Variants in NPLOC4 observed in about 807,000 individuals in gnomAD.
NPLOC4 encodes the protein NPL4 homolog, ubiquitin recognition factor.
Under a neutral mutation model 80.6 loss-of-function variants are expected in NPLOC4, and 18 were observed. That is an observed-to-expected ratio of 0.22 (90% confidence interval 0.15 to 0.33). The LOEUF is 0.33. Ranked by LOEUF, NPLOC4 falls within the 10% of genes least tolerant of loss-of-function variation. The pLI, the probability that NPLOC4 is intolerant of heterozygous loss-of-function variation, is 1.00. For missense variants in NPLOC4, 540 were observed against 786.1 expected (o/e 0.69, Z 3.74); for synonymous variants, 313 against 301.5 (o/e 1.04, Z -0.39).
chr17:81,622,096 G>A (rs947571849), intron 3 of NPLOC4, 70 bp downstream of exon 3: 13 of 1,118,164 alleles, frequency 1.2e-5, no homozygotes, highest in South Asian at 7.5e-5. Flanking sequence ...GATAAAACTC[G>A]GCAACCTCGG....
At chr17:81,621,574 G>C (rs775827344) in intron 3 of NPLOC4, among the ~76,000 whole-genome samples, 9 of 152,334 alleles carry the variant, frequency 5.9e-5, no homozygotes, top group Non-Finnish European at 1.0e-4. Context: ...CCCGTGTTCC[G>C]TAAAGGACCA....
At chr17:81,575,202 C>CCATT (rs1215568628) in intron 12 of NPLOC4, among the ~76,000 whole-genome samples, 2 of 152,180 alleles carry the variant, frequency 1.3e-5, no homozygotes, top group African/African-American at 4.8e-5. Flanking sequence ...CGGGTTCAAG[C>CCATT]CATTCTCCTG....
At chr17:81,578,726 AC>A (rs2034363992) in intron 12 of NPLOC4, among the ~76,000 whole-genome samples, 1 of 151,826 alleles carries the variant, frequency 6.6e-6, no homozygotes, top group African/African-American at 2.4e-5. Context: ...TGGGGGAACC[AC>A]CCCCATGATT....
In NPLOC4 at chr17:81,568,559, G is replaced by T. The variant is rs577869232; in HGVS notation, c.1449+457C>A. 3.9e-5 allele frequency among the ~76,000 whole-genome samples: 6 copies of T among 152,188 alleles called. No homozygotes were observed. The South Asian group carries it at 1.2e-3, about 32-fold the overall frequency. On this transcript the variant is annotated intron_variant, in intron 14 of 16. Transcript: ENST00000331134. ...GCAGGCGTGACAGCAAATCGGACCT[G>T]GCCTGATCTGCCAGTGAGAGCAGAG...
intron 1 of NPLOC4, among the ~76,000 whole-genome samples, chr17:81,630,764 C>A (rs1282091424): frequency 2.6e-5 from 4 of 152,246 alleles, no homozygotes; most frequent in Admixed American, 2.6e-4. Flanking sequence ...ATGGTCTCAG[C>A]TACTTGGGGA....
intron 3 of NPLOC4, among the ~76,000 whole-genome samples, chr17:81,621,112 A>AGAAG (rs200147658): frequency 6.6e-6 from 1 of 151,920 alleles, no homozygotes; most frequent in Non-Finnish European, 1.5e-5. Flanking sequence ...AGAAAAGGAA[A>AGAAG]GAAGGAAGGA....
chr17:81,582,669 C>T (rs987122753), intron 12 of NPLOC4, among the ~76,000 whole-genome samples: 1 of 152,210 alleles, frequency 6.6e-6, no homozygotes, highest in Non-Finnish European at 1.5e-5. Flanking sequence ...TTCCAAAGTG[C>T]TGGGATTACA....
At chr17:81,610,170 C>T in intron 5 of NPLOC4, 40 bp downstream of exon 5, 1 of 1,549,468 alleles carries the variant, frequency 6.5e-7, no homozygotes, top group Non-Finnish European at 8.7e-7. Flanking sequence ...ACCCGCAGCC[C>T]CCCACACTGG....
In NPLOC4 at chr17:81,559,090, G is replaced by T. The variant is rs972850597; in HGVS notation, c.*169C>A. On this transcript the variant is annotated 3_prime_UTR_variant, in exon 17 of 17. Coordinates refer to ENST00000331134, the MANE Select transcript of NPLOC4 (RefSeq NM_017921.4). ...CCAGCCGTGGCGCCCGCTCTCCAGG[G>T]AGGAACGTGCTGAGAAGCTTCAGTG... 8.5e-6 allele frequency: 6 copies of T among 709,394 alleles called. No individual in the cohort carries two copies. The African/African-American group carries it at 1.1e-4, about 13-fold the overall frequency. The allele number at this position is 709,394 out of a possible 1,614,324, so 43.9% of individuals were successfully genotyped here.
At chr17:81,587,978 A>G (rs1258381497) in intron 12 of NPLOC4, 1 of 152,154 alleles carries the variant, frequency 6.6e-6, no homozygotes, top group Admixed American at 6.5e-5. Context: ...CCCGGCCGAA[A>G]AAAGTTAATA....
intron 4 of NPLOC4, 43 bp from the exon 5 acceptor site, chr17:81,610,301 GTC>G: frequency 6.5e-7 from 1 of 1,541,750 alleles, no homozygotes; most frequent in Middle Eastern, 1.7e-4. Flanking sequence ...CAGTGAGGAT[GTC>G]TGTGTTCCGC....
chr17:81,620,483 G>A (rs568549006), intron 3 of NPLOC4, among the ~76,000 whole-genome samples: 2 of 152,228 alleles, frequency 1.3e-5, no homozygotes, highest in South Asian at 2.1e-4. Flanking sequence ...GCGACAGAGC[G>A]AGACTCCGTC....
At chr17:81,594,737 T>C (rs373904233) in intron 11 of NPLOC4, among the ~76,000 whole-genome samples, 2 of 151,610 alleles carry the variant, frequency 1.3e-5, no homozygotes, top group Non-Finnish European at 2.9e-5. Context: ...ATCGCGCCAC[T>C]GCACTCCAAC....
At chr17:81,595,531 TATA>T (rs201486683) in intron 11 of NPLOC4, among the ~76,000 whole-genome samples, 40 of 85,836 alleles carry the variant, frequency 4.7e-4, no homozygotes, top group Non-Finnish European at 6.4e-4. Flanking sequence ...CATATATATA[TATA>T]TTTTTTTTTT....
intron 2 of NPLOC4, among the ~76,000 whole-genome samples, chr17:81,626,959 G>A (rs1443546391): frequency 2.0e-5 from 3 of 151,638 alleles, no homozygotes; most frequent in African/African-American, 7.3e-5. Context: ...GCATGGTGGT[G>A]CGAGCCTGTA....
In NPLOC4 at chr17:81,559,289, G is replaced by A. The variant is rs369490885; in HGVS notation, c.1797C>T (p.His599=). The A allele has an allele frequency of 1.3e-5, 21 of 1,605,498 alleles. No homozygotes were observed. The highest frequency in any genetic ancestry group is 2.2e-5 in the East Asian group (1 of 44,606). Residue 599 remains histidine (H), a synonymous_variant, in exon 17 of 17, where the codon CAC becomes CAT. Coordinates refer to ENST00000331134, the MANE Select transcript of NPLOC4 (RefSeq NM_017921.4). The part of the protein sequence containing the change: ...CTFMNQPGTG[H]CEMCSLPRT ...TCCTGGGGAGGCTGCACATCTCGCA[G>A]TGGCCTGTGCCTGGCTGGTTCATGA...
chr17:81,623,137 G>C (rs1471901970), intron 2 of NPLOC4, among the ~76,000 whole-genome samples: 1 of 151,452 alleles, frequency 6.6e-6, no homozygotes, highest in Non-Finnish European at 1.5e-5. Context: ...GAGGTTGCAG[G>C]GAGCCGAGAT....
Position 81,572,736 on chromosome 17 carries a change from C to T in NPLOC4, c.1282-648G>A, listed in dbSNP as rs773917366. Among the ~76,000 whole-genome samples, 1 of 152,228 alleles carries T rather than the reference C, an allele frequency of 6.6e-6. No homozygotes were observed. Among genetic ancestry groups the T allele is most frequent in the Admixed American group, 6.5e-5 (1 of 15,286 alleles). On this transcript the variant is annotated intron_variant, in intron 12 of 16. Transcript: ENST00000331134. This position sits in a 1 kb window ranked among gnomAD's most constrained non-coding sequence, Gnocchi z 4.5. ...GATCTGCGACAGGCAGAAGGGTCTG[C>T]GTTCCCCTCAGGTTGGACCTGTGCC... is the stretch of plus-strand genomic sequence containing the variant.
At chr17:81,597,054 G>A (rs775646077) in intron 10 of NPLOC4, among the ~76,000 whole-genome samples, 191 bp downstream of exon 10, 57 of 151,862 alleles carry the variant, frequency 3.8e-4, no homozygotes, top group African/African-American at 3.1e-4. Context: ...CATTGCTAGC[G>A]GTGAGCAGAG....
Sources: allele counts gnomAD v4.1 joint callset (sites outside exome capture counted in the v4.1 genomes callset), GRCh38; gene constraint gnomAD v4.1.1; non-coding constraint Gnocchi (gnomAD v3.1); transcripts MANE v1.5; gene names NCBI Gene and HGNC (gene_info 2026-07-23, HGNC 2026-07-21).